The following RDM1 variants were observed in gnomAD, a reference collection of about 807,000 sequenced individuals.
The protein encoded by RDM1 is RAD52 motif containing 1.
A neutral mutation model predicts 27.7 loss-of-function variants in RDM1; 28 were observed. That is an observed-to-expected ratio of 1.01 (90% confidence interval 0.75 to 1.39). The LOEUF is 1.39. Ranked by LOEUF, RDM1 falls within the 40% of genes most tolerant of loss-of-function variation. RDM1 has a pLI of 0.00. For synonymous variants in RDM1, 124 were observed against 127.5 expected, an observed-to-expected ratio of 0.97 and a Z score of 0.19; for missense variants, 277 against 337.3, an observed-to-expected ratio of 0.82 and a Z score of 1.40.
chr17:35,928,131 G>C (rs985518151), intron 2 of RDM1, among the ~76,000 whole-genome samples: 4 of 152,094 alleles, frequency 2.6e-5, no homozygotes, highest in African/African-American at 9.7e-5. Flanking sequence ...GAGAAGAATA[G>C]GCAGCAAGAT....
rs1350896000 is a variant in RDM1, at chr17:35,925,347, A to T, written c.399+168T>A. Among the ~76,000 whole-genome samples the T allele has an allele frequency of 3.3e-5, 5 of 152,208 alleles. No individual in the cohort carries two copies. In the East Asian group the frequency reaches 9.6e-4, roughly 29 times the overall value. ...GGATACCACCATCCAATTGACTGAG[A>T]TTATTAATTCTAGGTAGCAGGCCAA... On this transcript the variant is annotated intron_variant, in intron 3 of 6. Coordinates refer to ENST00000620284, the MANE Select transcript of RDM1 (RefSeq NM_145654.4).
intron 4 of RDM1, 121 bp downstream of exon 4, chr17:35,924,483 T>G: frequency 1.9e-6 from 2 of 1,044,510 alleles, no homozygotes; most frequent in Non-Finnish European, 2.7e-6. Flanking sequence ...AGGACTTCAG[T>G]AGCTCAGAGA....
Position 35,918,274 on chromosome 17 carries a change from G to A in RDM1, c.*68C>T. ...CAGCAGCCTATAGTGGTGGGGCGGC[G>A]TGGGGTAGGGGCACGACAGAGCTTC... is the stretch of plus-strand genomic sequence containing the variant. On this transcript the variant is annotated 3_prime_UTR_variant, in exon 7 of 7. Coordinates refer to ENST00000620284, the MANE Select transcript of RDM1 (RefSeq NM_145654.4). The A allele has an allele frequency of 2.9e-6, 4 of 1,368,458 alleles. No homozygotes were observed. Among genetic ancestry groups the A allele is most frequent in the South Asian group, 1.2e-5 (1 of 84,938 alleles). 84.8% of individuals were successfully genotyped at this position (1,368,458 alleles called of 1,614,324 possible).
At position 35,922,665 on chromosome 17, in the gene RDM1, T is replaced by G; in HGVS notation, c.579A>C (p.Ser193=). ...PMDKVEEGPL[S]FLMKRKTAQK... ...GGGCTGTCTTCCTTTTCATAAGGAA[T>G]GATAATGGTCCTAAATCCAACCAAA... The change falls in exon 5 of 7, where the codon TCA becomes TCC. Residue 193 remains serine (S), a synonymous_variant. Transcript: ENST00000620284. The G allele has an allele frequency of 1.9e-6, 3 of 1,605,838 alleles. No individual in the cohort carries two copies. Among genetic ancestry groups the G allele is most frequent in the Non-Finnish European group, 2.5e-6 (3 of 1,177,970 alleles).
intron 2 of RDM1, among the ~76,000 whole-genome samples, chr17:35,929,066 C>T (rs771428559): frequency 6.6e-6 from 1 of 151,938 alleles, no homozygotes; most frequent in Non-Finnish European, 1.5e-5. Context: ...CAAAATGAGA[C>T]TCCATCTCAA....
At chr17:35,919,870 T>G (rs183364780) in intron 6 of RDM1, among the ~76,000 whole-genome samples, 1 of 152,188 alleles carries the variant, frequency 6.6e-6, no homozygotes, top group African/African-American at 2.4e-5. Context: ...GGGATTCTGT[T>G]TGAAGAAAGT....
At chr17:35,920,338 G>T (rs2088896857) in intron 5 of RDM1, 66 bp from the exon 6 acceptor site, 1 of 741,420 alleles carries the variant, frequency 1.3e-6, no homozygotes, top group African/African-American at 1.8e-5. Flanking sequence ...GCATATAATG[G>T]TAGCACCCCA....
rs372496214 is a variant in RDM1 at position 35,924,739 on chromosome 17, T to C, written c.433A>G (p.Asn145Asp). The C allele has an allele frequency of 1.2e-6, 2 of 1,613,988 alleles. No individual in the cohort carries two copies. Among genetic ancestry groups the C allele is most frequent in the Non-Finnish European group, 1.7e-6 (2 of 1,179,984 alleles). Residue 145 changes from asparagine (N) to aspartate (D), a missense_variant, in exon 4 of 7, where the codon AAT becomes GAT. Coordinates refer to ENST00000620284, the MANE Select transcript of RDM1 (RefSeq NM_145654.4). ...GGAAGTGGCACCATGCTATCTTCAT[T>C]TTCCCTTTCTTCAAGGTCAGAAAGC... ...QELSDLEERE[N>D]EDSMVPLPKQ...
intron 4 of RDM1, among the ~76,000 whole-genome samples, chr17:35,923,187 C>T (rs761334006): frequency 9.3e-5 from 14 of 151,050 alleles, no homozygotes; most frequent in Non-Finnish European, 1.8e-4. Context: ...CCTGTCTCTA[C>T]TAAAAGTGCA....
In RDM1 at chr17:35,920,448, CT is replaced by C. The variant is rs1426350518; in HGVS notation, c.668-177del. Among the ~76,000 whole-genome samples the C allele has an allele frequency of 3.5e-5, 5 of 141,942 alleles. No individual in the cohort carries two copies. The Admixed American group carries it at 3.5e-4, about 10-fold the overall frequency. The allele number at this position is 141,942 out of a possible 152,430, so 93.1% of individuals were successfully genotyped here. A position where few individuals can be genotyped will look rare whatever the true frequency, so the allele number is the denominator to read the frequency against. The stretch of plus-strand genomic sequence containing the variant: ...TCACACTTCAGTTTTTTCTTTCTTT[CT>C]TTCTTTCTTTTTTTTTTTTTTTTTA... On this transcript the variant is annotated intron_variant, in intron 5 of 6. Transcript: ENST00000620284.
intron 6 of RDM1, 140 bp from the exon 7 acceptor site, chr17:35,918,583 C>T (rs963264267): frequency 1.5e-5 from 11 of 710,368 alleles, no homozygotes; most frequent in Non-Finnish European, 2.4e-5. Context: ...GTAGGGGCTG[C>T]CAGGGAATAA....
chr17:35,925,706 A>G, intron 2 of RDM1, 69 bp from the exon 3 acceptor site: 1 of 1,518,472 alleles, frequency 6.6e-7, no homozygotes, highest in Non-Finnish European at 8.9e-7. Context: ...TAGATCTGAG[A>G]TTTGTCAATA....
At chr17:35,929,744 A>T (rs1326326666) in intron 2 of RDM1, among the ~76,000 whole-genome samples, 1 of 152,218 alleles carries the variant, frequency 6.6e-6, no homozygotes. Flanking sequence ...GCCCAGCCTT[A>T]TCTTTACAAT....
At position 35,930,125 on chromosome 17, in the gene RDM1, G is replaced by T. The variant is rs1220422592; in HGVS notation, c.227C>A (p.Ala76Asp). The T allele has an allele frequency of 2.5e-6, 4 of 1,614,064 alleles. No homozygotes were observed. Among genetic ancestry groups the T allele is most frequent in the Non-Finnish European group, 3.4e-6 (4 of 1,180,044 alleles). Residue 76 changes from alanine (A) to aspartate (D), a missense_variant, in exon 2 of 7, where the codon GCC becomes GAC. Ala to Asp is a moderately radical substitution (Grantham distance 126). Coordinates refer to ENST00000620284, the MANE Select transcript of RDM1 (RefSeq NM_145654.4). Reference sequence around the variant, plus strand: ...CTGCTTCCGGTCGCATGCCTTTTGGGCTCTGTGGGCAGCCCTTGCAGAATA... The same window carrying T: ...CTGCTTCCGGTCGCATGCCTTTTGGTCTCTGTGGGCAGCCCTTGCAGAATA... The part of the protein sequence containing the change: ...KFYSARAAHR[A>D]QKACDRKQLF...
At chr17:35,925,427 C>A in intron 3 of RDM1, 88 bp downstream of exon 3, 1 of 1,471,246 alleles carries the variant, frequency 6.8e-7, no homozygotes. Context: ...CTCCTCCCTA[C>A]AATCCAGTTC....
At chr17:35,920,648 T>C (rs1382286005) in intron 5 of RDM1, among the ~76,000 whole-genome samples, 1 of 151,698 alleles carries the variant, frequency 6.6e-6, no homozygotes, top group Admixed American at 6.6e-5. Flanking sequence ...AGAGACGTGG[T>C]CTTGCTTTGT....
chr17:35,920,703 C>G lies in RDM1; in HGVS notation c.668-431G>C, dbSNP rs538122480. 2.2e-4 allele frequency among the ~76,000 whole-genome samples: 34 copies of G among 152,138 alleles called. 1 individual carries two copies. The South Asian group carries it at 5.0e-3, about 22-fold the overall frequency. On this transcript the variant is annotated intron_variant, in intron 5 of 6. Transcript: ENST00000620284. ...CCCCTGGCTTTAAGTGGTCTTCCTGCCTTGGCCTCCCAAAATGCTGAGATT... is the reference window on the plus strand; with the variant it reads ...CCCCTGGCTTTAAGTGGTCTTCCTGGCTTGGCCTCCCAAAATGCTGAGATT...
chr17:35,921,165 T>C (rs1339203281), intron 5 of RDM1, among the ~76,000 whole-genome samples: 1 of 152,222 alleles, frequency 6.6e-6, no homozygotes, highest in African/African-American at 2.4e-5. Context: ...AGGCTTTTGG[T>C]CTAAGAAGTT....
intron 5 of RDM1, chr17:35,922,268 C>T (rs115308348): frequency 3.1e-5 from 9 of 292,240 alleles, no homozygotes; most frequent in African/African-American, 1.1e-4. Flanking sequence ...CAAATCCATG[C>T]GTCCAAAACT....
Sources: allele counts gnomAD v4.1 joint callset (sites outside exome capture counted in the v4.1 genomes callset), GRCh38; gene constraint gnomAD v4.1.1; transcripts MANE v1.5; gene names NCBI Gene and HGNC (gene_info 2026-07-23, HGNC 2026-07-21).